Variants in NBPF3 observed in about 807,000 individuals in gnomAD.
NBPF3 encodes NBPF family member NBPF3.
A neutral mutation model predicts 78.1 loss-of-function variants in NBPF3; 57 were observed. That is an observed-to-expected ratio of 0.73 (90% CI 0.59 to 0.91). The LOEUF (loss-of-function observed/expected upper bound fraction) is 0.91, where lower values mean the gene tolerates loss of function less well. NBPF3 is among the 40% of genes least tolerant of loss of function. NBPF3 has a pLI of 0.00. For missense variants in NBPF3, 510 were observed against 715.3 expected, an observed-to-expected ratio of 0.71 and a Z score of 3.27; for synonymous variants, 182 against 271.7, an observed-to-expected ratio of 0.67 and a Z score of 3.25.
chr1:21,463,667 A>T (rs1171894756), intron 2 of NBPF3, among the ~76,000 whole-genome samples: 1 of 152,244 alleles, frequency 6.6e-6, no homozygotes, highest in Non-Finnish European at 1.5e-5. Flanking sequence ...AAGTGAAAAG[A>T]TAATCCACAT....
At chr1:21,451,201 TCA>T (rs111357152) in intron 2 of NBPF3, among the ~76,000 whole-genome samples, 2 of 152,258 alleles carry the variant, frequency 1.3e-5, no homozygotes, top group African/African-American at 2.4e-5. Context: ...AATGAATGTA[TCA>T]CAGTTTATTG....
chr1:21,447,460 G>C (rs2147907297), intron 2 of NBPF3, among the ~76,000 whole-genome samples: 1 of 152,246 alleles, frequency 6.6e-6, no homozygotes, highest in Non-Finnish European at 1.5e-5. Context: ...TCATTTTACT[G>C]CTTCTTTTTG....
At chr1:21,466,094 T>C in intron 2 of NBPF3, 1 of 985,524 alleles carries the variant, frequency 1.0e-6, no homozygotes. Context: ...CAGGGAGCCT[T>C]GGGAGGAGCC....
intron 6 of NBPF3, 50 bp from the exon 7 acceptor site, chr1:21,473,330 A>G (rs1971328): frequency 0.72 from 1,151,038 of 1,590,578 alleles, 420,892 homozygotes; most frequent in South Asian, 0.87. Flanking sequence ...CTGGTGTCCA[A>G]TCCCTCTGTG....
upstream of NBPF3, among the ~76,000 whole-genome samples, chr1:21,438,254 A>G (rs1260869344): frequency 1.3e-5 from 2 of 151,988 alleles, no homozygotes; most frequent in Non-Finnish European, 2.9e-5. Flanking sequence ...CTGGAATTAC[A>G]GGCGTGCACC....
chr1:21,436,829 T>G (rs1442087341), upstream of NBPF3: 9 of 976,200 alleles, frequency 9.2e-6, no homozygotes, highest in Non-Finnish European at 1.2e-5. The surrounding 1 kb of genome is among the most constrained non-coding windows in gnomAD (Gnocchi z 4.3). Context: ...GGCTTGAGCG[T>G]TCTGGGTGCA....
intron 4 of NBPF3, 63 bp downstream of exon 4, chr1:21,470,797 T>C: frequency 8.9e-7 from 1 of 1,129,646 alleles, no homozygotes; most frequent in East Asian, 2.6e-5. Flanking sequence ...GTACAGCAGC[T>C]CGGCAGGGAG....
rs1426959386 is a variant in NBPF3 at position 21,446,564 on chromosome 1, C to T, written c.133+1345C>T. ...CCTCCCACCCACCCTCCCTCCCTTTCTTCCTCCTTCCCTCCCTCCCTCCCT... is the reference window on the plus strand; with the variant it reads ...CCTCCCACCCACCCTCCCTCCCTTTTTTCCTCCTTCCCTCCCTCCCTCCCT... On this transcript the variant is annotated intron_variant, in intron 2 of 14. Transcript: ENST00000318249. 2.2e-5 allele frequency: 3 copies of T among 135,596 alleles called. No individual in the cohort carries two copies. In the Admixed American group the frequency reaches 2.3e-4, roughly 11 times the overall value. The allele number at this position is 135,596 out of a possible 1,614,324, so 8.4% of individuals were successfully genotyped here.
At chr1:21,437,689 C>G (rs1268401962), upstream of NBPF3, 2 of 218,144 alleles carry the variant, frequency 9.2e-6, no homozygotes, top group Admixed American at 6.0e-5. Flanking sequence ...CAGTCTCGCT[C>G]TGTCCCCCAG....
Position 21,473,371 on chromosome 1 carries a change from G to T in NBPF3, c.735-9G>T. On this transcript the variant is annotated splice_polypyrimidine_tract_variant and intron_variant, in intron 6 of 14. Coordinates refer to ENST00000318249, the MANE Select transcript of NBPF3 (RefSeq NM_032264.6). ...TCTTCTGTCATCTCTATCCCACCTG[G>T]CTCATCAGGGAGGTGCAGAAGGCTG... is the stretch of plus-strand genomic sequence containing the variant. 1 of 1,613,338 alleles carries T rather than the reference G, an allele frequency of 6.2e-7. No individual in the cohort carries two copies. The highest frequency in any genetic ancestry group is 8.5e-7 in the Non-Finnish European group (1 of 1,179,312).
intron 10 of NBPF3, among the ~76,000 whole-genome samples, chr1:21,479,792 A>ATCTC (rs374091070): frequency 1.8e-3 from 145 of 81,178 alleles, no homozygotes; most frequent in East Asian, 2.9e-3. Flanking sequence ...TGAGCTCACT[A>ATCTC]TCTCTCTCTC....
rs1642971463 is a variant in NBPF3, at chr1:21,477,956, G to T, written c.993-188G>T. Reference sequence around the variant, plus strand: ...TACTGAGCACGTGCTGCCCATTTTTGTTCGGTCCTCAGAGCAGTCACCCTC... The same window carrying T: ...TACTGAGCACGTGCTGCCCATTTTTTTTCGGTCCTCAGAGCAGTCACCCTC... On this transcript the variant is annotated intron_variant, in intron 8 of 14. Coordinates refer to ENST00000318249, the MANE Select transcript of NBPF3 (RefSeq NM_032264.6). 3.9e-6 allele frequency: 5 copies of T among 1,279,298 alleles called. No individual in the cohort carries two copies. The Admixed American group carries it at 6.8e-5, about 17-fold the overall frequency. 79.2% of individuals were successfully genotyped at this position (1,279,298 alleles called of 1,614,324 possible). A position where few individuals can be genotyped will look rare whatever the true frequency, so the allele number is the denominator to read the frequency against.
intron 2 of NBPF3, among the ~76,000 whole-genome samples, chr1:21,466,659 C>T (rs1454496978): frequency 3.9e-5 from 6 of 152,242 alleles, no homozygotes; most frequent in African/African-American, 1.4e-4. Context: ...GGTCACACCT[C>T]TGTCCTGGAC....
rs1643114695 is a variant in NBPF3 at position 21,479,988 on chromosome 1, T to C, written c.1209-63T>C. On this transcript the variant is annotated intron_variant, in intron 10 of 14. Transcript: ENST00000318249. Reference sequence around the variant, plus strand: ...AGTTCCTTATGTTACCCATGAAATCTAGCTGGGGCTGTGTGGTTTCTGATT... The same window carrying C: ...AGTTCCTTATGTTACCCATGAAATCCAGCTGGGGCTGTGTGGTTTCTGATT... 15 of 837,206 alleles carry C rather than the reference T, an allele frequency of 1.8e-5. No individual in the cohort carries two copies. In the South Asian group the frequency reaches 1.9e-4, roughly 10 times the overall value. 51.9% of individuals were successfully genotyped at this position (837,206 alleles called of 1,614,324 possible). A position where few individuals can be genotyped will look rare whatever the true frequency, so the allele number is the denominator to read the frequency against.
chr1:21,473,692 T>G (rs7520015), intron 7 of NBPF3, 107 bp downstream of exon 7: 739,850 of 959,612 alleles, frequency 0.77, 287,905 homozygotes, highest in South Asian at 0.9. Flanking sequence ...TCTATTATGG[T>G]ATTCTTAACA....
At chr1:21,475,023 G>A in intron 8 of NBPF3, 72 bp downstream of exon 8, 1 of 1,348,512 alleles carries the variant, frequency 7.4e-7, no homozygotes. Flanking sequence ...AGAAAATGAG[G>A]AAGCAATGAA....
chr1:21,483,124 G>C lies in NBPF3; in HGVS notation c.1659-19G>C, dbSNP rs1207643300. ...CTGATTTTCCCTGGCTGCTTCTTTA[G>C]TTTTGTCTCCTTTTCCAGGCTCAAC... On this transcript the variant is annotated intron_variant, in intron 14 of 14. Transcript: ENST00000318249. 6.2e-7 allele frequency: 1 copy of C among 1,612,328 alleles called. No homozygotes were observed. The highest frequency in any genetic ancestry group is 1.1e-5 in the South Asian group (1 of 90,976).
Position 21,468,913 on chromosome 1 carries a change from T to G in NBPF3, c.343+16T>G. The G allele has an allele frequency of 6.3e-7, 1 of 1,578,560 alleles. No homozygotes were observed. Among genetic ancestry groups the G allele is most frequent in the Non-Finnish European group, 8.7e-7 (1 of 1,149,662 alleles). On this transcript the variant is annotated intron_variant, in intron 3 of 14. Transcript: ENST00000318249. Reference sequence around the variant, plus strand: ...AATAATTACGGTAAGTTCTATAGGCTCACCATCACAAAAGCGATGAATGAT... The same window carrying G: ...AATAATTACGGTAAGTTCTATAGGCGCACCATCACAAAAGCGATGAATGAT...
At chr1:21,446,987 T>G (rs1323102679) in intron 2 of NBPF3, among the ~76,000 whole-genome samples, 1 of 152,272 alleles carries the variant, frequency 6.6e-6, no homozygotes, top group Non-Finnish European at 1.5e-5. Context: ...CCTTGAAATC[T>G]CCAACTGCTC....
Sources: allele counts gnomAD v4.1 joint callset (sites outside exome capture counted in the v4.1 genomes callset), GRCh38; gene constraint gnomAD v4.1.1; non-coding constraint Gnocchi (gnomAD v3.1); transcripts MANE v1.5; gene names NCBI Gene and HGNC (gene_info 2026-07-23, HGNC 2026-07-21).